The following CUTC variants were observed in gnomAD, a reference collection of about 807,000 sequenced individuals.
CUTC encodes the protein copper homeostasis protein cutC homolog.
Under a neutral mutation model 36.2 loss-of-function variants are expected in CUTC, and 27 were observed. The ratio of observed to expected loss-of-function variants is 0.75; its 90% CI spans 0.55 to 1.03. The LOEUF is 1.03. CUTC is among the 50% of genes least tolerant of loss of function. CUTC has a pLI of 0.00. For synonymous variants in CUTC, 114 were observed against 118.3 expected, an observed-to-expected ratio of 0.96 and a Z score of 0.24; for missense variants, 315 against 343.5, an observed-to-expected ratio of 0.92 and a Z score of 0.66.
chr10:99,737,810 C>A (rs1376114397), intron 2 of CUTC, among the ~76,000 whole-genome samples: 8 of 151,964 alleles, frequency 5.3e-5, no homozygotes, highest in Non-Finnish European at 1.2e-4. Context: ...AAGCAAATCC[C>A]AGACATCATG....
intron 2 of CUTC, among the ~76,000 whole-genome samples, chr10:99,738,651 T>A (rs1304602643): frequency 6.6e-6 from 1 of 152,194 alleles, no homozygotes; most frequent in East Asian, 1.9e-4. Context: ...ACCACTGTAT[T>A]TCCTATAAAG....
intron 2 of CUTC, among the ~76,000 whole-genome samples, chr10:99,736,678 G>A (rs1288465362): frequency 2.0e-5 from 3 of 151,924 alleles, no homozygotes; most frequent in Non-Finnish European, 4.4e-5. Context: ...CAAAGTTTCT[G>A]TTGTACTCTG....
rs386372234 is a variant in CUTC, at chr10:99,755,380, G to GAAAA, written c.708-232_708-229dup. Among the ~76,000 whole-genome samples, 354 of 121,970 alleles carry GAAAA rather than the reference G, an allele frequency of 2.9e-3. 6 individuals carry two copies. Among genetic ancestry groups the GAAAA allele is most frequent in the Middle Eastern group, 8.3e-3 (2 of 242 alleles). The allele number at this position is 121,970 out of a possible 152,430, so 80.0% of individuals were successfully genotyped here. A position where few individuals can be genotyped will look rare whatever the true frequency, so the allele number is the denominator to read the frequency against. On this transcript the variant is annotated intron_variant, in intron 8 of 8. Coordinates refer to ENST00000370476, the MANE Select transcript of CUTC (RefSeq NM_015960.3). Reference sequence around the variant, plus strand: ...TGATACATGCCTGTAATTTAAAAAGGAAAAAAAAAAAAAAAAGGAAGCAAG... The same window carrying GAAAA: ...TGATACATGCCTGTAATTTAAAAAGGAAAAAAAAAAAAAAAAAAAAGGAAGCAAG...
chr10:99,743,108 C>T, intron 3 of CUTC, 45 bp from the exon 4 acceptor site: 2 of 1,579,756 alleles, frequency 1.3e-6, no homozygotes. Flanking sequence ...ATATCATTGG[C>T]TTTTAGCTCA....
At chr10:99,733,868 T>C (rs1366023699) in intron 1 of CUTC, among the ~76,000 whole-genome samples, 2 of 151,994 alleles carry the variant, frequency 1.3e-5, no homozygotes, top group African/African-American at 4.8e-5. Flanking sequence ...TTTTTATACA[T>C]CTCTCCATCT....
intron 7 of CUTC, among the ~76,000 whole-genome samples, chr10:99,753,354 G>A (rs2037432840): frequency 6.6e-6 from 1 of 152,202 alleles, no homozygotes; most frequent in Admixed American, 6.5e-5. Context: ...GCTGTGAAGA[G>A]CTACAGTGAT....
intron 1 of CUTC, 22 bp downstream of exon 1, chr10:99,732,431 G>A: frequency 6.5e-7 from 1 of 1,549,532 alleles, no homozygotes; most frequent in Non-Finnish European, 8.7e-7. Flanking sequence ...GGCGGGGGAG[G>A]GGACGGTCGG....
In CUTC at chr10:99,743,311, G is replaced by A. The variant is rs137888517; in HGVS notation, c.352G>A (p.Ala118Thr). Residue 118 changes from alanine (A) to threonine (T), a missense_variant, in exon 4 of 9, where the codon GCA becomes ACA. Physicochemically the swap from Ala to Thr is moderately conservative, Grantham distance 58 (BLOSUM62 0). Coordinates refer to ENST00000370476, the MANE Select transcript of CUTC (RefSeq NM_015960.3). The part of the protein sequence containing the change: ...LYGADGLVFG[A>T]LTEDGHIDKE... ...TGGTGCTGATGGTTTGGTTTTTGGGGCATTGACTGAAGATGGACACATTGA... is the reference window on the plus strand; with the variant it reads ...TGGTGCTGATGGTTTGGTTTTTGGGACATTGACTGAAGATGGACACATTGA... 1.9e-5 allele frequency: 31 copies of A among 1,614,072 alleles called. No homozygotes were observed. The African/African-American group carries it at 2.7e-4, about 14-fold the overall frequency.
At chr10:99,751,433 C>T (rs191583819) in intron 7 of CUTC, among the ~76,000 whole-genome samples, 1 of 152,194 alleles carries the variant, frequency 6.6e-6, no homozygotes, top group Non-Finnish European at 1.5e-5. Flanking sequence ...CTCAAGCGAT[C>T]CTCCTGCCTC....
chr10:99,743,899 C>T, intron 4 of CUTC, 138 bp from the exon 5 acceptor site: 2 of 586,708 alleles, frequency 3.4e-6, no homozygotes, highest in Non-Finnish European at 2.9e-6. Context: ...GTAAGGCTGC[C>T]ATTTTATTAT....
intron 6 of CUTC, among the ~76,000 whole-genome samples, chr10:99,749,637 G>A (rs1309195393): frequency 6.6e-6 from 1 of 152,076 alleles, no homozygotes; most frequent in South Asian, 2.1e-4. Context: ...GATAGTCAAT[G>A]TTTTGTTTTA....
intron 7 of CUTC, among the ~76,000 whole-genome samples, chr10:99,753,582 G>A (rs1238023919): frequency 6.6e-6 from 1 of 152,058 alleles, no homozygotes; most frequent in Non-Finnish European, 1.5e-5. Flanking sequence ...GCTAATTTTT[G>A]TATGTTTTTG....
Position 99,732,400 on chromosome 10 carries a change from G to A in CUTC, c.52G>A (p.Gly18Arg). 6.4e-7 allele frequency: 1 copy of A among 1,551,842 alleles called. No individual in the cohort carries two copies. Among genetic ancestry groups the A allele is most frequent in the East Asian group, 2.4e-5 (1 of 41,028 alleles). The change falls in exon 1 of 9, where the codon GGG (glycine) becomes AGG (arginine). Residue 18 changes from glycine to arginine, a missense_variant. Coordinates refer to ENST00000370476, the MANE Select transcript of CUTC (RefSeq NM_015960.3). The stretch of plus-strand genomic sequence containing the variant: ...GCGAAAACGAGCGCGGATACCGTCC[G>A]GGAAGGCCGGTGCGGAAGGTGGCGG... ...SERKRARIPS[G>R]KAGAANGFLM...
chr10:99,750,999 G>A (rs1049260742), intron 7 of CUTC, among the ~76,000 whole-genome samples: 8 of 152,162 alleles, frequency 5.3e-5, no homozygotes, highest in Admixed American at 3.9e-4. Context: ...TGAGACAAAT[G>A]TAAAGACAAT....
At chr10:99,739,856 T>C in intron 3 of CUTC, 87 bp downstream of exon 3, 1 of 964,248 alleles carries the variant, frequency 1.0e-6, no homozygotes, top group South Asian at 1.5e-5. Flanking sequence ...GGTCCTTTAC[T>C]AATGTCATGT....
Position 99,747,274 on chromosome 10 carries a change from G to T in CUTC, c.457G>T (p.Asp153Tyr). ...TATTTCAGCCTTTGACATGGTTCAT[G>T]ATCCAATGGCAGCTCTGGAGACCCT... ...TFHRAFDMVH[D>Y]PMAALETLLT... Residue 153 changes from aspartate (D) to tyrosine (Y), a missense_variant, in exon 6 of 9, where the codon GAT becomes TAT. By Grantham distance (160) the Asp-to-Tyr change is radical. Coordinates refer to ENST00000370476, the MANE Select transcript of CUTC (RefSeq NM_015960.3). 6.2e-7 allele frequency: 1 copy of T among 1,614,028 alleles called. No homozygotes were observed. Among genetic ancestry groups the T allele is most frequent in the Non-Finnish European group, 8.5e-7 (1 of 1,179,966 alleles).
chr10:99,743,872 A>T (rs1357230420), intron 4 of CUTC, among the ~76,000 whole-genome samples, 165 bp from the exon 5 acceptor site: 1 of 152,220 alleles, frequency 6.6e-6, no homozygotes, highest in African/African-American at 2.4e-5. Flanking sequence ...TTGTGGAAAG[A>T]TAAGACTTTT....
At chr10:99,746,155 TAAATA>T (rs918504029) in intron 5 of CUTC, among the ~76,000 whole-genome samples, 6 of 152,228 alleles carry the variant, frequency 3.9e-5, no homozygotes, top group Non-Finnish European at 8.8e-5. Flanking sequence ...TCATTTTCTT[TAAATA>T]AAATCTTAAG....
chr10:99,744,330 C>T (rs567306415), intron 5 of CUTC, among the ~76,000 whole-genome samples: 61 of 152,276 alleles, frequency 4.0e-4, no homozygotes, highest in Admixed American at 1.6e-3. Context: ...GCAAGTATTG[C>T]CTTCAAGTGT....
Sources: allele counts gnomAD v4.1 joint callset (sites outside exome capture counted in the v4.1 genomes callset), GRCh38; gene constraint gnomAD v4.1.1; transcripts MANE v1.5; gene names NCBI Gene and HGNC (gene_info 2026-07-23, HGNC 2026-07-21).